Variants in NUP210 observed in about 807,000 individuals in gnomAD.
The protein encoded by NUP210 is nucleoporin 210.
NUP210 carries 151 observed loss-of-function variants against 196.0 expected under a neutral mutation model. The ratio of observed to expected loss-of-function variants is 0.77; its 90% CI spans 0.67 to 0.88. NUP210 has a LOEUF of 0.88. NUP210 is among the 40% of genes least tolerant of loss of function. The pLI is 0.00. For missense variants in NUP210, 2,314 were observed against 2,493.7 expected (o/e 0.93, Z 1.53); for synonymous variants, 1,070 against 1,052.7 (o/e 1.02, Z -0.32).
At chr3:13,324,089 G>C (rs1235089363) in intron 33 of NUP210, among the ~76,000 whole-genome samples, 3 of 152,170 alleles carry the variant, frequency 2.0e-5, no homozygotes. Context: ...CAGGGATGTG[G>C]CCCATGCAGA....
intron 25 of NUP210, 102 bp downstream of exon 25, chr3:13,339,752 G>T: frequency 1.8e-6 from 2 of 1,089,806 alleles, no homozygotes; most frequent in Non-Finnish European, 2.7e-6. Context: ...GGCAGAAGCA[G>T]CACCCTTGGA....
chr3:13,393,837 C>A (rs182538878), intron 3 of NUP210, among the ~76,000 whole-genome samples: 156 of 152,286 alleles, frequency 1.0e-3, no homozygotes, highest in African/African-American at 3.7e-3. Flanking sequence ...TAGATATTAA[C>A]CAGGAAAGCC....
intron 1 of NUP210, among the ~76,000 whole-genome samples, chr3:13,405,813 G>A (rs915376311): frequency 1.3e-5 from 2 of 152,092 alleles, no homozygotes; most frequent in East Asian, 3.9e-4. Context: ...GCCAACTATC[G>A]CAGCTAGGCC....
Position 13,341,812 on chromosome 3 carries a change from C to G in NUP210, c.3164G>C (p.Ser1055Thr), listed in dbSNP as rs780078943. Residue 1055 changes from serine (S) to threonine (T), a missense_variant, in exon 23 of 40, where the codon AGT (serine) becomes ACT (threonine). Transcript: ENST00000254508. ...TTTATTGGTCACACTTGCAGTTAGA[C>G]TGGTCTGGCCGATGGCCACACCGCG... ...LIRGVAIGQT[S>T]LTASVTNKAG... 1.5e-5 allele frequency: 25 copies of G among 1,614,240 alleles called. No homozygotes were observed. Among genetic ancestry groups the G allele is most frequent in the Non-Finnish European group, 2.0e-5 (24 of 1,180,048 alleles).
chr3:13,349,916 T>G (rs1697908343), intron 20 of NUP210, among the ~76,000 whole-genome samples: 1 of 152,162 alleles, frequency 6.6e-6, no homozygotes, highest in Non-Finnish European at 1.5e-5. Context: ...AGAACAAACC[T>G]TAAACATCTT....
intron 1 of NUP210, among the ~76,000 whole-genome samples, chr3:13,417,073 C>T (rs1248213951): frequency 6.6e-6 from 1 of 152,198 alleles, no homozygotes; most frequent in East Asian, 1.9e-4. Context: ...AAAACCAGTG[C>T]TGGCTGGGTG....
chr3:13,377,876 C>A (rs549828053), intron 8 of NUP210, among the ~76,000 whole-genome samples: 3 of 150,998 alleles, frequency 2.0e-5, no homozygotes, highest in African/African-American at 7.3e-5. Flanking sequence ...AGGCCCCACA[C>A]CACTTACCTG....
intron 17 of NUP210, 118 bp downstream of exon 17, chr3:13,353,797 G>C: frequency 8.2e-7 from 1 of 1,219,402 alleles, no homozygotes; most frequent in Non-Finnish European, 1.2e-6. Context: ...TGGATTGTAA[G>C]AGTTAACAGG....
intron 28 of NUP210, among the ~76,000 whole-genome samples, chr3:13,333,798 T>A (rs993825809): frequency 6.6e-6 from 1 of 151,988 alleles, no homozygotes; most frequent in African/African-American, 2.4e-5. Flanking sequence ...TTCCTTCTAT[T>A]TTTTTTTAAA....
rs1699281302 is a variant in NUP210 at position 13,386,504 on chromosome 3, AG to A, written c.685-98del. 5 of 1,419,768 alleles carry A rather than the reference AG, an allele frequency of 3.5e-6. No homozygotes were observed. In the Admixed American group the frequency reaches 9.8e-5, roughly 28 times the overall value. 87.9% of individuals were successfully genotyped at this position (1,419,768 alleles called of 1,614,324 possible). A position where few individuals can be genotyped will look rare whatever the true frequency, so the allele number is the denominator to read the frequency against. Reference sequence around the variant, plus strand: ...AAAGAGATGTTTTAAACATGGGAATAGGGAAGTTAAGAGGAAAGAAACAAGA... The same window carrying A: ...AAAGAGATGTTTTAAACATGGGAATAGGAAGTTAAGAGGAAAGAAACAAGA... On this transcript the variant is annotated intron_variant, in intron 5 of 39. Coordinates refer to ENST00000254508, the MANE Select transcript of NUP210 (RefSeq NM_024923.4).
At chr3:13,358,146 A>G in intron 16 of NUP210, 76 bp downstream of exon 16, 2 of 1,388,036 alleles carry the variant, frequency 1.4e-6, no homozygotes, top group East Asian at 2.3e-5. Flanking sequence ...GCTCGGGACC[A>G]TGGGCGAGGC....
At chr3:13,407,439 CA>C (rs1236218008) in intron 1 of NUP210, among the ~76,000 whole-genome samples, 4 of 152,240 alleles carry the variant, frequency 2.6e-5, no homozygotes, top group African/African-American at 9.6e-5. Context: ...CCAATGATAC[CA>C]CCAAGGCATC....
chr3:13,334,866 G>A (rs1282549155), intron 28 of NUP210, among the ~76,000 whole-genome samples: 2 of 152,218 alleles, frequency 1.3e-5, no homozygotes, highest in Non-Finnish European at 2.9e-5. Context: ...CTCTGAACAA[G>A]GCGCCTCCCT....
Position 13,337,830 on chromosome 3 carries a change from C to G in NUP210, c.3552+7G>C. The G allele has an allele frequency of 6.2e-7, 1 of 1,607,118 alleles. No individual in the cohort carries two copies. Among genetic ancestry groups the G allele is most frequent in the Non-Finnish European group, 8.5e-7 (1 of 1,178,018 alleles). ...ACCAGGATTCAGAGCCCAGGAGGTC[C>G]CCTCACCTGGGTGCCCGTCCTCATC... On this transcript the variant is annotated splice_region_variant and intron_variant, in intron 26 of 39. Coordinates refer to ENST00000254508, the MANE Select transcript of NUP210 (RefSeq NM_024923.4).
At chr3:13,414,475 G>A (rs980896001) in intron 1 of NUP210, among the ~76,000 whole-genome samples, 7 of 148,708 alleles carry the variant, frequency 4.7e-5, no homozygotes, top group Non-Finnish European at 1.0e-4. Flanking sequence ...GGGCCAGGGA[G>A]AACGAGGCCC....
chr3:13,386,136 G>A (rs413608), intron 6 of NUP210, 139 bp downstream of exon 6: 1 of 874,052 alleles, frequency 1.1e-6, no homozygotes, highest in Admixed American at 2.7e-5. Context: ...GATGGCTGCA[G>A]AAGAGTGTGA....
Position 13,321,435 on chromosome 3 carries a change from A to G in NUP210, c.5166+150T>C. ...GACAGCAACAGTGCTATGGAAAAAGAAAAGAGTACTTCAATTTAAAAATTC... is the reference window on the plus strand; with the variant it reads ...GACAGCAACAGTGCTATGGAAAAAGGAAAGAGTACTTCAATTTAAAAATTC... On this transcript the variant is annotated intron_variant, in intron 36 of 39. Transcript: ENST00000254508. The G allele has an allele frequency of 3.7e-6, 3 of 818,446 alleles. No homozygotes were observed. In the South Asian group the frequency reaches 5.6e-5, roughly 15 times the overall value. The allele number at this position is 818,446 out of a possible 1,614,324, so 50.7% of individuals were successfully genotyped here.
chr3:13,398,365 C>T (rs903878777), intron 2 of NUP210, among the ~76,000 whole-genome samples: 2 of 152,024 alleles, frequency 1.3e-5, no homozygotes, highest in African/African-American at 4.8e-5. Flanking sequence ...ATTGCTTAAA[C>T]CCGGGAGGCA....
intron 1 of NUP210, among the ~76,000 whole-genome samples, chr3:13,404,906 C>G (rs1699956222): frequency 6.6e-6 from 1 of 152,094 alleles, no homozygotes; most frequent in African/African-American, 2.4e-5. Context: ...TAATTCTTCA[C>G]AGACATGGTA....
Sources: allele counts gnomAD v4.1 joint callset (sites outside exome capture counted in the v4.1 genomes callset), GRCh38; gene constraint gnomAD v4.1.1; transcripts MANE v1.5; gene names NCBI Gene and HGNC (gene_info 2026-07-23, HGNC 2026-07-21).